Variants in ACACA observed in about 807,000 individuals in gnomAD.
The protein encoded by ACACA is acetyl-CoA carboxylase alpha.
Under a neutral mutation model 296.1 loss-of-function variants are expected in ACACA, and 103 were observed. The observed-to-expected ratio is 0.35, with a 90% CI of 0.30 to 0.41. ACACA has a LOEUF of 0.41. Ranked by LOEUF, ACACA falls within the 10% of genes least tolerant of loss-of-function variation. ACACA has a pLI of 1.00. For synonymous variants in ACACA, 953 were observed against 1,038.6 expected, an observed-to-expected ratio of 0.92 and a Z score of 1.58; for missense variants, 1,554 against 2,989.7, an observed-to-expected ratio of 0.52 and a Z score of 11.20.
At chr17:37,262,034 A>G (rs1317657440) in intron 11 of ACACA, among the ~76,000 whole-genome samples, 3 of 152,066 alleles carry the variant, frequency 2.0e-5, no homozygotes, top group Non-Finnish European at 4.4e-5. Context: ...TCCAGTTACT[A>G]GTAACTGGAT....
chr17:37,139,661 G>A (rs1052297128), intron 45 of ACACA, among the ~76,000 whole-genome samples: 4 of 152,234 alleles, frequency 2.6e-5, no homozygotes, highest in African/African-American at 4.8e-5. Flanking sequence ...GGAGGAGAAA[G>A]CAGGAGATAA....
intron 1 of ACACA, among the ~76,000 whole-genome samples, chr17:37,405,855 C>CTTTTTTT (rs3049528): frequency 1.9e-5 from 1 of 53,528 alleles, no homozygotes; most frequent in Non-Finnish European, 3.6e-5. Context: ...CCCGGCAGGG[C>CTTTTTTT]TTTTTTTTTT....
intron 7 of ACACA, 73 bp downstream of exon 7, chr17:37,276,960 G>C (rs2082307866): frequency 7.8e-7 from 1 of 1,289,426 alleles, no homozygotes; most frequent in African/African-American, 1.5e-5. Context: ...CAGAAAATCA[G>C]ACTATAGAGT....
intron 1 of ACACA, chr17:37,359,246 G>C: frequency 1.5e-6 from 1 of 687,182 alleles, no homozygotes; most frequent in Non-Finnish European, 1.8e-6. Flanking sequence ...GTTCACCTCC[G>C]ACCCCGCTCC....
chr17:37,385,237 C>T (rs1338952600), intron 1 of ACACA, among the ~76,000 whole-genome samples: 5 of 152,044 alleles, frequency 3.3e-5, no homozygotes, highest in South Asian at 2.1e-4. Flanking sequence ...TTTGGGAGGC[C>T]GAGGTGGGCA....
At chr17:37,134,653 C>G (rs1050861454) in intron 45 of ACACA, among the ~76,000 whole-genome samples, 1 of 152,122 alleles carries the variant, frequency 6.6e-6, no homozygotes, top group Non-Finnish European at 1.5e-5. Flanking sequence ...TCTTTTCCCC[C>G]TCTTTAAACA....
chr17:37,325,898 G>A (rs73282836), intron 3 of ACACA, among the ~76,000 whole-genome samples: 4,880 of 151,736 alleles, frequency 0.032, 213 homozygotes, highest in African/African-American at 0.097. Flanking sequence ...AAATGTTTGG[G>A]TCATAAAGCT....
At chr17:37,273,956 A>G (rs1386872372) in intron 9 of ACACA, among the ~76,000 whole-genome samples, 3 of 152,244 alleles carry the variant, frequency 2.0e-5, no homozygotes, top group African/African-American at 7.2e-5. Flanking sequence ...GCCTGCTTCA[A>G]AATGAATTTA....
intron 52 of ACACA, among the ~76,000 whole-genome samples, chr17:37,107,384 AG>A (rs2073749039): frequency 6.6e-6 from 1 of 152,220 alleles, no homozygotes; most frequent in African/African-American, 2.4e-5. Flanking sequence ...CCCTTAGCCC[AG>A]GGAACAGTCC....
At chr17:37,251,719 A>G (rs2081004808) in intron 16 of ACACA, among the ~76,000 whole-genome samples, 1 of 152,206 alleles carries the variant, frequency 6.6e-6, no homozygotes, top group Non-Finnish European at 1.5e-5. Flanking sequence ...GAGAGATTTG[A>G]TACTTATACA....
chr17:37,381,713 C>T lies in ACACA; in HGVS notation c.38+24549G>A, dbSNP rs370637966. Among the ~76,000 whole-genome samples, 137 of 150,576 alleles carry T rather than the reference C, an allele frequency of 9.1e-4. 2 individuals carry two copies. In the South Asian group the frequency reaches 0.022, roughly 24 times the overall value. On this transcript the variant is annotated intron_variant, in intron 1 of 55. Coordinates refer to ENST00000616317, the MANE Select transcript of ACACA (RefSeq NM_198834.3). Reference sequence around the variant, plus strand: ...TGCGATCTCAGCTCACTGCAAGCTCCGCCTCTCGGGTTCACGCCATTCTCC... The same window carrying T: ...TGCGATCTCAGCTCACTGCAAGCTCTGCCTCTCGGGTTCACGCCATTCTCC...
chr17:37,193,694 G>GA (rs2077862976), intron 35 of ACACA, among the ~76,000 whole-genome samples: 1 of 152,142 alleles, frequency 6.6e-6, no homozygotes, highest in East Asian at 1.9e-4. Context: ...TCTCCCAAGT[G>GA]AAAAAAATTT....
intron 41 of ACACA, among the ~76,000 whole-genome samples, chr17:37,173,996 A>T (rs1206069051): frequency 1.2e-4 from 1 of 8,594 alleles, no homozygotes; most frequent in African/African-American, 9.6e-4. Flanking sequence ...ATATATATAT[A>T]TATATATATA....
intron 14 of ACACA, among the ~76,000 whole-genome samples, chr17:37,254,612 A>G (rs1468208929): frequency 6.6e-6 from 1 of 152,174 alleles, no homozygotes; most frequent in Non-Finnish European, 1.5e-5. Flanking sequence ...TTTTGTGAGG[A>G]GAGAGATTCT....
At position 37,160,566 on chromosome 17, in the gene ACACA, A is replaced by T. The variant is rs150398013; in HGVS notation, c.5349+1215T>A. Among the ~76,000 whole-genome samples the T allele has an allele frequency of 3.0e-3, 459 of 152,306 alleles. 3 individuals are homozygous for T. In the South Asian group the frequency reaches 0.033, roughly 11 times the overall value. On this transcript the variant is annotated intron_variant, in intron 42 of 55. Coordinates refer to ENST00000616317, the MANE Select transcript of ACACA (RefSeq NM_198834.3). Reference sequence around the variant, plus strand: ...CTAAGCTTGAATTTAAAGTAAGATCAGTCAACAGAACTGTTTTTTTCTCCA... The same window carrying T: ...CTAAGCTTGAATTTAAAGTAAGATCTGTCAACAGAACTGTTTTTTTCTCCA...
chr17:37,124,473 T>C (rs943420183), intron 48 of ACACA, among the ~76,000 whole-genome samples: 6 of 152,174 alleles, frequency 3.9e-5, no homozygotes, highest in African/African-American at 1.4e-4. Context: ...GACAGGAAAA[T>C]TGAAGCAGAA....
intron 10 of ACACA, among the ~76,000 whole-genome samples, chr17:37,268,749 A>C (rs557676313): frequency 0.011 from 1,553 of 137,080 alleles, 39 homozygotes; most frequent in African/African-American, 0.037. Context: ...ATCTATATAT[A>C]TATATATATA....
At position 37,191,149 on chromosome 17, in the gene ACACA, C is replaced by T. The variant is rs2077734381; in HGVS notation, c.4543G>A (p.Val1515Met). The change falls in exon 38 of 56, where the codon GTG (valine) becomes ATG (methionine). Residue 1515 changes from valine to methionine, a missense_variant. Around this residue, in one of 16 missense-constraint regions of ACACA, gnomAD observed 35 missense variants for 131.8 expected, o/e 0.27. Transcript: ENST00000616317. ...GATGGGTCCATGATAACCGTGGGCA[C>T]AAAGTTGAGGAAGATGTGGTTACAG... ...TDCNHIFLNFVPTVIMDPSKI... is the reference protein window; with the variant it reads ...TDCNHIFLNFMPTVIMDPSKI... 6.2e-7 allele frequency: 1 copy of T among 1,613,898 alleles called. No individual in the cohort carries two copies. Among genetic ancestry groups the T allele is most frequent in the Admixed American group, 1.7e-5 (1 of 59,998 alleles).
chr17:37,258,019 G>A (rs1043482099), intron 13 of ACACA, among the ~76,000 whole-genome samples, 153 bp from the exon 14 acceptor site: 2 of 152,182 alleles, frequency 1.3e-5, no homozygotes, highest in African/African-American at 4.8e-5. Flanking sequence ...CAGACCCACT[G>A]AAGACTCTAC....
Sources: gnomAD v4.1 joint callset for allele counts (sites outside exome capture counted in the v4.1 genomes callset) on GRCh38, gnomAD v4.1.1 for gene constraint, gnomAD v4.1.1 regional missense constraint, MANE v1.5 for transcripts, NCBI Gene and HGNC (gene_info 2026-07-23, HGNC 2026-07-21) for gene names.